Variants in COL21A1 observed in about 807,000 individuals in gnomAD.
COL21A1 encodes collagen alpha-1(XXI) chain.
In COL21A1, 149 loss-of-function variants were observed where a neutral mutation model predicts 137.9. That is an observed-to-expected ratio of 1.08 (90% CI 0.95 to 1.24). The LOEUF (loss-of-function observed/expected upper bound fraction) is 1.24. COL21A1 is among the 50% of genes most tolerant of loss of function. The pLI is 0.00. For synonymous variants in COL21A1, 456 were observed against 391.5 expected (o/e 1.16, Z -1.95); for missense variants, 1,167 against 1,158.4 (o/e 1.01, Z -0.11).
chr6:56,304,201 G>C (rs563641705), intron 1 of COL21A1, among the ~76,000 whole-genome samples: 3 of 151,858 alleles, frequency 2.0e-5, no homozygotes, highest in Non-Finnish European at 4.4e-5. Flanking sequence ...CTCTTTTTTT[G>C]TTGTGTCTCT....
chr6:56,151,953 G>A (rs1775364554), intron 10 of COL21A1, among the ~76,000 whole-genome samples: 1 of 152,142 alleles, frequency 6.6e-6, no homozygotes, highest in South Asian at 2.1e-4. Flanking sequence ...CTGCGGGGAG[G>A]GGCTGGATAT....
chr6:56,267,975 C>T (rs528382503), intron 1 of COL21A1, among the ~76,000 whole-genome samples: 13 of 152,256 alleles, frequency 8.5e-5, no homozygotes, highest in African/African-American at 2.9e-4. Flanking sequence ...CACCTGAGTA[C>T]TTTCCCAGTG....
At chr6:56,133,689 G>C (rs1773750941) in intron 12 of COL21A1, among the ~76,000 whole-genome samples, 2 of 152,190 alleles carry the variant, frequency 1.3e-5, no homozygotes, top group Non-Finnish European at 2.9e-5. Flanking sequence ...TCATGGGCCA[G>C]AGCCAGGGCC....
intron 12 of COL21A1, among the ~76,000 whole-genome samples, chr6:56,135,131 GA>G (rs1429070690): frequency 6.6e-6 from 1 of 151,818 alleles, no homozygotes; most frequent in Non-Finnish European, 1.5e-5. Flanking sequence ...AAAAAAAGAA[GA>G]AAAAACTATT....
intron 1 of COL21A1, among the ~76,000 whole-genome samples, chr6:56,349,459 C>A (rs942187753): frequency 6.6e-6 from 1 of 152,128 alleles, no homozygotes; most frequent in Non-Finnish European, 1.5e-5. Context: ...AAGTTGCATT[C>A]TTGCCAGAAA....
chr6:56,284,620 A>T (rs1413635098), intron 1 of COL21A1, among the ~76,000 whole-genome samples: 1 of 152,004 alleles, frequency 6.6e-6, no homozygotes, highest in Non-Finnish European at 1.5e-5. Flanking sequence ...CCCTCCACCC[A>T]TGCCAGAATT....
chr6:56,082,610 G>C (rs1481463697), intron 17 of COL21A1, among the ~76,000 whole-genome samples: 1 of 151,718 alleles, frequency 6.6e-6, no homozygotes, highest in African/African-American at 2.4e-5. Context: ...TTGAATAGAA[G>C]TTAAAATAGA....
At chr6:56,098,512 TATATATAA>T (rs1300532159) in intron 17 of COL21A1, among the ~76,000 whole-genome samples, 1 of 31,008 alleles carries the variant, frequency 3.2e-5, no homozygotes, top group Non-Finnish European at 5.2e-5. Context: ...TATATAAATA[TATATATAA>T]ATATATAAAT....
chr6:56,339,459 T>C (rs9296838), intron 1 of COL21A1, among the ~76,000 whole-genome samples: 98,542 of 151,698 alleles, frequency 0.65, 32,356 homozygotes, highest in South Asian at 0.81. Flanking sequence ...TGAGGATTCA[T>C]GTGGTTTTCC....
intron 1 of COL21A1, among the ~76,000 whole-genome samples, chr6:56,323,472 C>T (rs1764924596): frequency 2.0e-5 from 3 of 152,322 alleles, no homozygotes; most frequent in Non-Finnish European, 2.9e-5. Flanking sequence ...TGTCTGCAAC[C>T]TCTGCTTCCC....
chr6:56,376,980 CTTT>C (rs11396420), intron 1 of COL21A1, among the ~76,000 whole-genome samples: 9,374 of 137,734 alleles, frequency 0.068, 331 homozygotes, highest in Non-Finnish European at 0.076. Flanking sequence ...AGAAAAAAGT[CTTT>C]TTTTTTTTTT....
chr6:56,280,091 C>T (rs1763756972), intron 1 of COL21A1, among the ~76,000 whole-genome samples: 1 of 152,092 alleles, frequency 6.6e-6, no homozygotes, highest in East Asian at 1.9e-4. Context: ...ACCTACAATC[C>T]ACAAGTTGTA....
rs918670839 is a variant in COL21A1 at position 56,121,748 on chromosome 6, G to C, written c.1758+2314C>G. On this transcript the variant is annotated intron_variant, in intron 16 of 29. Transcript: ENST00000244728. Reference sequence around the variant, plus strand: ...TGTGTACAGGGTTGGGAAGTGGCAGGGGATGTGTGGGAATATGCTGCACTT... The same window carrying C: ...TGTGTACAGGGTTGGGAAGTGGCAGCGGATGTGTGGGAATATGCTGCACTT... Among the ~76,000 whole-genome samples the C allele has an allele frequency of 2.6e-5, 4 of 151,558 alleles. No individual in the cohort carries two copies. The South Asian group carries it at 8.3e-4, about 31-fold the overall frequency.
intron 1 of COL21A1, among the ~76,000 whole-genome samples, chr6:56,222,013 C>T (rs1192373118): frequency 6.6e-6 from 1 of 152,038 alleles, no homozygotes; most frequent in African/African-American, 2.4e-5. Context: ...TGGCTCACAC[C>T]TGTAATCCCA....
At chr6:56,278,376 AG>A (rs1031828863) in intron 1 of COL21A1, among the ~76,000 whole-genome samples, 4 of 152,178 alleles carry the variant, frequency 2.6e-5, no homozygotes, top group Non-Finnish European at 4.4e-5. Flanking sequence ...GTTTGACAGT[AG>A]GGGGTTGAAG....
intron 1 of COL21A1, among the ~76,000 whole-genome samples, chr6:56,343,920 T>C (rs1230493600): frequency 6.6e-6 from 1 of 152,154 alleles, no homozygotes; most frequent in African/African-American, 2.4e-5. Flanking sequence ...CACTCCAGCC[T>C]GGGTGACAAA....
intron 1 of COL21A1, among the ~76,000 whole-genome samples, chr6:56,258,847 C>T (rs1286255071): frequency 6.6e-6 from 1 of 152,130 alleles, no homozygotes; most frequent in East Asian, 1.9e-4. Flanking sequence ...ATGTGTTTCA[C>T]AAACACATGT....
chr6:56,212,878 T>A (rs984875326), intron 1 of COL21A1, among the ~76,000 whole-genome samples: 3 of 152,094 alleles, frequency 2.0e-5, no homozygotes, highest in Non-Finnish European at 2.9e-5. Context: ...ATAATTATTT[T>A]TATTCATTAA....
intron 17 of COL21A1, 144 bp downstream of exon 17, chr6:56,101,328 C>G (rs2152166766): frequency 1.4e-6 from 1 of 700,902 alleles, no homozygotes; most frequent in East Asian, 2.7e-5. Context: ...TATGGTGTTT[C>G]ACAAGCAGCT....
Sources: allele counts gnomAD v4.1 joint callset (sites outside exome capture counted in the v4.1 genomes callset), GRCh38; gene constraint gnomAD v4.1.1; transcripts MANE v1.5; gene names NCBI Gene and HGNC (gene_info 2026-07-23, HGNC 2026-07-21).